MMS22L: variants seen among roughly 807,000 people sequenced by gnomAD.
The protein encoded by MMS22L is protein MMS22-like.
Under a neutral mutation model 159.1 loss-of-function variants are expected in MMS22L, and 74 were observed. The observed-to-expected ratio is 0.47, with a 90% CI of 0.39 to 0.56. MMS22L has a LOEUF of 0.56. Ranked by LOEUF, MMS22L falls within the 20% of genes least tolerant of loss-of-function variation. The probability of loss-of-function intolerance (pLI) is 0.00; values close to 1 mark genes in which losing one functional copy is unlikely to be tolerated. For missense variants in MMS22L, 1,351 were observed against 1,422.1 expected (o/e 0.95, Z 0.80); for synonymous variants, 517 against 506.9 (o/e 1.02, Z -0.27).
intron 8 of MMS22L, chr6:97,266,539 T>C (rs920307119): frequency 6.6e-6 from 1 of 152,216 alleles, no homozygotes; most frequent in African/African-American, 2.4e-5. Flanking sequence ...ACATGATTTA[T>C]TGTACTTAAA....
intron 18 of MMS22L, among the ~76,000 whole-genome samples, chr6:97,177,009 G>A (rs1339858801): frequency 6.6e-6 from 1 of 152,036 alleles, no homozygotes; most frequent in Non-Finnish European, 1.5e-5. Flanking sequence ...AAATCATGAT[G>A]TTCCTATTTC....
chr6:97,228,866 T>G (rs370031220), intron 14 of MMS22L, 28 bp downstream of exon 14: 2 of 1,560,674 alleles, frequency 1.3e-6, no homozygotes, highest in Non-Finnish European at 1.7e-6. Context: ...AAACAAATCA[T>G]AAATTAGCAT....
At chr6:97,151,180 G>A (rs747210090) in intron 23 of MMS22L, among the ~76,000 whole-genome samples, 4 of 152,110 alleles carry the variant, frequency 2.6e-5, no homozygotes, top group African/African-American at 9.7e-5. Context: ...CTAGGACCAC[G>A]TAATGACATT....
intron 14 of MMS22L, among the ~76,000 whole-genome samples, chr6:97,211,867 T>C (rs1244472202): frequency 2.6e-5 from 4 of 152,166 alleles, no homozygotes; most frequent in Admixed American, 6.5e-5. Context: ...GGAAAAACTT[T>C]AAAAACTTTT....
At position 97,150,033 on chromosome 6, in the gene MMS22L, C is replaced by G. The variant is rs749211053; in HGVS notation, c.3483-13G>C. 1 of 1,611,408 alleles carries G rather than the reference C, an allele frequency of 6.2e-7. No homozygotes were observed. The highest frequency in any genetic ancestry group is 1.1e-5 in the South Asian group (1 of 90,752). ...CTGGATAAACTGCCTGAAAGTAAAA[C>G]AGGTTTATTTAGGATTACTCCTGGG... On this transcript the variant is annotated splice_polypyrimidine_tract_variant and intron_variant, in intron 23 of 24. Coordinates refer to ENST00000683635, the MANE Select transcript of MMS22L (RefSeq NM_001350599.2).
At chr6:97,180,825 G>C (rs1804632399) in intron 16 of MMS22L, among the ~76,000 whole-genome samples, 1 of 152,148 alleles carries the variant, frequency 6.6e-6, no homozygotes, top group South Asian at 2.1e-4. Flanking sequence ...CCTTACAACT[G>C]AAAGCCCAAT....
At chr6:97,228,247 G>T (rs1810460563) in intron 14 of MMS22L, among the ~76,000 whole-genome samples, 1 of 152,198 alleles carries the variant, frequency 6.6e-6, no homozygotes, top group Non-Finnish European at 1.5e-5. Context: ...GCAGGGGAAG[G>T]AAGGGCTAAG....
chr6:97,162,048 G>GAGTA lies in MMS22L; in HGVS notation c.3335_3338dup (p.Leu1114ThrfsTer14). ...CCAAGCATTTTAAAATGCCAGGGAG[G>GAGTA]AGTAGTTCAACTTCATAAATGTCTG... is the stretch of plus-strand genomic sequence containing the variant. On this transcript the variant is annotated frameshift_variant, in exon 22 of 25. Transcript: ENST00000683635. LOFTEE classifies it high-confidence loss of function. 1 of 1,612,178 alleles carries GAGTA rather than the reference G, an allele frequency of 6.2e-7. No individual in the cohort carries two copies.
At chr6:97,244,214 T>C (rs1812388902) in intron 11 of MMS22L, among the ~76,000 whole-genome samples, 1 of 152,170 alleles carries the variant, frequency 6.6e-6, no homozygotes, top group Admixed American at 6.5e-5. Context: ...GAGGTGGCAC[T>C]TTCAAGAGGG....
rs991757064 is a variant in MMS22L, at chr6:97,279,258, C to T, written c.291-360G>A. ...CAGCACTTTGGGAGGCCGAGGCGGG[C>T]GGATTACGAGGTCAGGAGATCGTGA... On this transcript the variant is annotated intron_variant, in intron 3 of 24. Transcript: ENST00000683635. Among the ~76,000 whole-genome samples, 32 of 149,068 alleles carry T rather than the reference C, an allele frequency of 2.1e-4. 1 individual carries two copies. Among genetic ancestry groups the T allele is most frequent in the Admixed American group, 4.7e-4 (7 of 14,980 alleles).
rs1193653707 is a variant in MMS22L at position 97,233,911 on chromosome 6, G to C, written c.1252C>G (p.Pro418Ala). ...AAAATGGTAACAATTGCAATGTTTGGCTCCCAGAAATCACAAAGTGTCAAA... is the reference window on the plus strand; with the variant it reads ...AAAATGGTAACAATTGCAATGTTTGCCTCCCAGAAATCACAAAGTGTCAAA... ...CCLTLCDFWE[P>A]NIAIVTILWE... is the part of the protein sequence containing the mutation. The change falls in exon 12 of 25, where the codon CCA (proline) becomes GCA (alanine). Residue 418 changes from proline to alanine, a missense_variant. By Grantham distance (27) the Pro-to-Ala change is conservative. Coordinates refer to ENST00000683635, the MANE Select transcript of MMS22L (RefSeq NM_001350599.2). The C allele has an allele frequency of 1.2e-6, 2 of 1,610,420 alleles. No homozygotes were observed. The highest frequency in any genetic ancestry group is 1.7e-6 in the Non-Finnish European group (2 of 1,178,300).
rs985831766 is a variant in MMS22L, at chr6:97,144,586, T to G, written c.*2220A>C. On this transcript the variant is annotated 3_prime_UTR_variant, in exon 25 of 25. Transcript: ENST00000683635. ...AAACTCAGATTTGACCAAAAGACAA[T>G]GGCTTGTATTACACTGGTAGAAGCA... 6.6e-6 allele frequency: 1 copy of G among 152,042 alleles called. No individual in the cohort carries two copies. Among genetic ancestry groups the G allele is most frequent in the Non-Finnish European group, 1.5e-5 (1 of 68,012 alleles). The allele number at this position is 152,042 out of a possible 1,614,324, so 9.4% of individuals were successfully genotyped here.
intron 11 of MMS22L, among the ~76,000 whole-genome samples, chr6:97,242,167 T>G (rs894434807): frequency 1.3e-5 from 2 of 152,212 alleles, no homozygotes; most frequent in Non-Finnish European, 2.9e-5. Context: ...CTTTCTGGCT[T>G]GATGACCTGA....
intron 14 of MMS22L, among the ~76,000 whole-genome samples, chr6:97,197,574 G>C (rs761117123): frequency 2.2e-4 from 34 of 152,062 alleles, no homozygotes; most frequent in Non-Finnish European, 1.5e-4. Context: ...TGGTTTTTGG[G>C]ATTTCAAATA....
intron 6 of MMS22L, chr6:97,270,314 G>A (rs1045589752): frequency 2.9e-5 from 14 of 478,390 alleles, no homozygotes; most frequent in Middle Eastern, 3.2e-4. Flanking sequence ...TTTTTAACAC[G>A]TATTTTCATA....
intron 14 of MMS22L, among the ~76,000 whole-genome samples, chr6:97,224,767 T>C (rs562889368): frequency 1.3e-5 from 2 of 152,020 alleles, no homozygotes. Flanking sequence ...TATGGTTAGT[T>C]TTGGTTTAGT....
intron 9 of MMS22L, among the ~76,000 whole-genome samples, 148 bp downstream of exon 9, chr6:97,263,180 TAAAGTAG>T (rs545880193): frequency 7.7e-4 from 117 of 152,322 alleles, no homozygotes; most frequent in Middle Eastern, 6.8e-3. Context: ...GGGTTAAAAA[TAAAGTAG>T]ATATTCAGTA....
intron 13 of MMS22L, among the ~76,000 whole-genome samples, chr6:97,230,115 G>A (rs1275745430): frequency 6.6e-6 from 1 of 151,766 alleles, no homozygotes; most frequent in Non-Finnish European, 1.5e-5. Context: ...TTGTTTTTTT[G>A]AGACGGAGTC....
Position 97,282,427 on chromosome 6 carries a change from C to G in MMS22L, c.51G>C (p.Leu17=). The G allele has an allele frequency of 6.2e-7, 1 of 1,614,122 alleles. No individual in the cohort carries two copies. ...GTTTGCACCATTCCGTCCCCAGCTC[C>G]AGCTCTAAGCTGTCAGTCAGGAACG... ...ASTFLTDSLE[L]ELGTEWCKPP... Residue 17 remains leucine, a synonymous_variant, in exon 2 of 25, where the codon CTG becomes CTC. Coordinates refer to ENST00000683635, the MANE Select transcript of MMS22L (RefSeq NM_001350599.2).
Sources: allele counts gnomAD v4.1 joint callset (sites outside exome capture counted in the v4.1 genomes callset), GRCh38; gene constraint gnomAD v4.1.1; transcripts MANE v1.5; gene names NCBI Gene and HGNC (gene_info 2026-07-23, HGNC 2026-07-21).